The following AK4 variants were observed in gnomAD, a reference collection of about 807,000 sequenced individuals.
AK4 encodes the protein adenylate kinase 4, mitochondrial.
A neutral mutation model predicts 24.6 loss-of-function variants in AK4; 13 were observed. The ratio of observed to expected loss-of-function variants is 0.53; its 90% confidence interval spans 0.34 to 0.84. The LOEUF is 0.84. Among genes scored for constraint, AK4 ranks in the 40% least tolerant of loss-of-function variants. The pLI, the probability that AK4 is intolerant of heterozygous loss-of-function variation, is 0.01. For synonymous variants in AK4, 88 were observed against 107.0 expected, an observed-to-expected ratio of 0.82 and a Z score of 1.10; for missense variants, 192 against 288.2, an observed-to-expected ratio of 0.67 and a Z score of 2.42.
chr1:65,196,416 G>C (rs956417558), intron 2 of AK4, among the ~76,000 whole-genome samples: 1 of 152,122 alleles, frequency 6.6e-6, no homozygotes, highest in African/African-American at 2.4e-5. Flanking sequence ...AAAAAGTTCA[G>C]CACTACCTTC....
intron 1 of AK4, among the ~76,000 whole-genome samples, chr1:65,158,231 C>G (rs1650041585): frequency 6.6e-6 from 1 of 152,100 alleles, no homozygotes; most frequent in Admixed American, 6.6e-5. Context: ...GGATGGCAAA[C>G]AATCCTAAAA....
chr1:65,178,518 G>A (rs767895887), intron 1 of AK4, among the ~76,000 whole-genome samples: 15 of 152,182 alleles, frequency 9.9e-5, no homozygotes, highest in Admixed American at 3.9e-4. Context: ...TACAGACACC[G>A]AATGAACTAA....
At chr1:65,152,358 C>CTATATATA (rs1439853968) in intron 1 of AK4, among the ~76,000 whole-genome samples, 4 of 30,504 alleles carry the variant, frequency 1.3e-4, no homozygotes, top group African/African-American at 2.5e-4. Flanking sequence ...CTCTCTCTCT[C>CTATATATA]TCTATATATA....
intron 1 of AK4, among the ~76,000 whole-genome samples, chr1:65,183,523 G>C (rs1046093833): frequency 2.0e-5 from 3 of 152,286 alleles, no homozygotes; most frequent in Admixed American, 2.0e-4. Flanking sequence ...GGGATTACAG[G>C]CGTGAGCCAC....
chr1:65,159,301 C>G (rs1353485418), intron 1 of AK4, among the ~76,000 whole-genome samples: 2 of 152,220 alleles, frequency 1.3e-5, no homozygotes, highest in Non-Finnish European at 2.9e-5. Flanking sequence ...CCACACAGAT[C>G]TCCAGAGCAG....
intron 2 of AK4, among the ~76,000 whole-genome samples, chr1:65,214,223 G>T (rs1652054819): frequency 6.6e-6 from 1 of 152,158 alleles, no homozygotes; most frequent in Non-Finnish European, 1.5e-5. Flanking sequence ...TGATTCTCCT[G>T]CCTCAGCCTC....
intron 2 of AK4, among the ~76,000 whole-genome samples, chr1:65,205,191 T>C (rs1212360988): frequency 6.6e-6 from 1 of 152,208 alleles, no homozygotes; most frequent in Non-Finnish European, 1.5e-5. Context: ...TTCAAAACAT[T>C]GCAACCATTG....
At chr1:65,151,585 T>A (rs1422797233) in intron 1 of AK4, among the ~76,000 whole-genome samples, 1 of 152,144 alleles carries the variant, frequency 6.6e-6, no homozygotes, top group Admixed American at 6.5e-5. Context: ...ATTGTACAAT[T>A]TCCACTCTGA....
At chr1:65,160,698 A>C (rs1484025512) in intron 1 of AK4, among the ~76,000 whole-genome samples, 2 of 152,156 alleles carry the variant, frequency 1.3e-5, no homozygotes, top group African/African-American at 4.8e-5. Context: ...GGGCTCAAGC[A>C]GTACTCCTGT....
rs925197658 is a variant in AK4, at chr1:65,192,092, T to G, written c.265+1263T>G. On this transcript the variant is annotated intron_variant, in intron 2 of 4. Coordinates refer to ENST00000327299, the MANE Select transcript of AK4 (RefSeq NM_013410.4). ...AATTTCTCTAGACTCTACTTTTAAC[T>G]CACAGAAGTTAGCCCTTTTCTTAGT... is the stretch of plus-strand genomic sequence containing the variant. Among the ~76,000 whole-genome samples the G allele has an allele frequency of 3.9e-4, 60 of 152,204 alleles. 1 individual carries two copies. Among genetic ancestry groups the G allele is most frequent in the African/African-American group, 1.4e-3 (60 of 41,444 alleles).
intron 1 of AK4, among the ~76,000 whole-genome samples, chr1:65,156,393 A>G (rs1649985237): frequency 6.6e-6 from 1 of 152,136 alleles, no homozygotes; most frequent in Non-Finnish European, 1.5e-5. Flanking sequence ...TATTGCACTT[A>G]AGAAAAACTT....
At chr1:65,160,750 A>T (rs1003043564) in intron 1 of AK4, among the ~76,000 whole-genome samples, 1 of 151,982 alleles carries the variant, frequency 6.6e-6, no homozygotes, top group African/African-American at 2.4e-5. Context: ...GCATGCCACC[A>T]CACCTGGCTA....
intron 1 of AK4, among the ~76,000 whole-genome samples, chr1:65,151,350 A>G (rs1186475656): frequency 1.3e-5 from 2 of 152,176 alleles, no homozygotes; most frequent in Non-Finnish European, 2.9e-5. Context: ...CACACCCAGT[A>G]AGATATCTGC....
At chr1:65,218,571 T>TTG (rs1652200539) in intron 2 of AK4, among the ~76,000 whole-genome samples, 183 bp from the exon 3 acceptor site, 1 of 152,222 alleles carries the variant, frequency 6.6e-6, no homozygotes, top group Non-Finnish European at 1.5e-5. Flanking sequence ...ATGTGCAGGT[T>TTG]TGTGACATGG....
At chr1:65,217,152 G>A (rs902921602) in intron 2 of AK4, among the ~76,000 whole-genome samples, 1 of 152,218 alleles carries the variant, frequency 6.6e-6, no homozygotes, top group African/African-American at 2.4e-5. Context: ...GCATTGGAGA[G>A]TTAGCAAGCA....
At position 65,225,236 on chromosome 1, in the gene AK4, C is replaced by CTT. The variant is rs200931413; in HGVS notation, c.557+367_557+368dup. 6.9e-3 allele frequency among the ~76,000 whole-genome samples: 1,043 copies of CTT among 152,236 alleles called. 12 individuals carry two copies. The highest frequency in any genetic ancestry group is 0.024 in the African/African-American group (989 of 41,526). On this transcript the variant is annotated intron_variant, in intron 4 of 4. Transcript: ENST00000327299. ...GGTTTGGATAGAAGATTAGAAGACA[C>CTT]TTGGTGTGTCCCTTCTTGAAGTGTC...
At chr1:65,201,024 C>T (rs889147165) in intron 2 of AK4, among the ~76,000 whole-genome samples, 2 of 152,090 alleles carry the variant, frequency 1.3e-5, no homozygotes, top group Admixed American at 6.5e-5. Flanking sequence ...CATCTCTTGA[C>T]CTCGTGATCT....
upstream of AK4, chr1:65,147,793 GGGCAGCGGC>G (rs1378611692): frequency 2.0e-5 from 3 of 152,800 alleles, no homozygotes; most frequent in South Asian, 2.1e-4. Context: ...CGCGGGCGGC[GGGCAGCGGC>G]GGCAGCTGAG....
chr1:65,228,457 AGTGG>A lies in AK4; in HGVS notation c.*2284_*2287del, dbSNP rs1652533122. 6.6e-6 allele frequency: 1 copy of A among 152,128 alleles called. No individual in the cohort carries two copies. 9.4% of individuals were successfully genotyped at this position (152,128 alleles called of 1,614,324 possible). A position where few individuals can be genotyped will look rare whatever the true frequency, so the allele number is the denominator to read the frequency against. On this transcript the variant is annotated 3_prime_UTR_variant, in exon 5 of 5. Transcript: ENST00000327299. ...ATTGAGTCACTCAATAAGTCTCAACAGTGGGTGTGTTTGCTGAGATTGTCCAGCG... is the reference window on the plus strand; with the variant it reads ...ATTGAGTCACTCAATAAGTCTCAACAGTGTGTTTGCTGAGATTGTCCAGCG...
Sources: gnomAD v4.1 joint callset for allele counts (sites outside exome capture counted in the v4.1 genomes callset) on GRCh38, gnomAD v4.1.1 for gene constraint, MANE v1.5 for transcripts, NCBI Gene and HGNC (gene_info 2026-07-23, HGNC 2026-07-21) for gene names.